The following ARHGAP24 variants were observed in gnomAD, a reference collection of about 807,000 sequenced individuals.
The protein encoded by ARHGAP24 is rho GTPase-activating protein 24.
Under a neutral mutation model 76.4 loss-of-function variants are expected in ARHGAP24, and 50 were observed. The observed-to-expected ratio is 0.65, with a 90% confidence interval of 0.52 to 0.83. The LOEUF is 0.83. Ranked by LOEUF, ARHGAP24 falls within the 40% of genes least tolerant of loss-of-function variation. ARHGAP24 has a pLI of 0.00. For synonymous variants in ARHGAP24, 345 were observed against 323.3 expected (o/e 1.07, Z -0.72); for missense variants, 930 against 914.2 (o/e 1.02, Z -0.22).
chr4:85,889,019 C>T (rs1733733199), intron 3 of ARHGAP24, among the ~76,000 whole-genome samples: 1 of 151,942 alleles, frequency 6.6e-6, no homozygotes, highest in South Asian at 2.1e-4. Context: ...TTTATCTAGT[C>T]TATTATTTGA....
chr4:85,591,052 T>A (rs1310487367), intron 2 of ARHGAP24, among the ~76,000 whole-genome samples: 1 of 139,890 alleles, frequency 7.1e-6, no homozygotes, highest in South Asian at 2.4e-4. Context: ...TTTTTTTTTT[T>A]TTTTTTTTTG....
chr4:85,890,846 A>G (rs1733847993), intron 3 of ARHGAP24, among the ~76,000 whole-genome samples: 1 of 152,198 alleles, frequency 6.6e-6, no homozygotes, highest in Non-Finnish European at 1.5e-5. Flanking sequence ...ATCTATGACA[A>G]TAGCACATAA....
intron 1 of ARHGAP24, among the ~76,000 whole-genome samples, chr4:85,518,302 A>G (rs11931565): frequency 0.12 from 18,393 of 152,110 alleles, 3,134 homozygotes; most frequent in African/African-American, 0.38. Context: ...TTTGTTCCCA[A>G]GGGTTTTCTA....
chr4:85,746,082 C>A (rs1211344868), intron 3 of ARHGAP24, among the ~76,000 whole-genome samples: 1 of 152,144 alleles, frequency 6.6e-6, no homozygotes, highest in African/African-American at 2.4e-5. Context: ...CTATAGATTT[C>A]CTAGGAGTCG....
chr4:85,966,341 A>G (rs917899177), intron 5 of ARHGAP24, among the ~76,000 whole-genome samples: 1 of 152,172 alleles, frequency 6.6e-6, no homozygotes, highest in Non-Finnish European at 1.5e-5. Flanking sequence ...GTTCTCTGCC[A>G]TCAGTAGCTT....
chr4:85,626,763 C>G (rs1178398422), intron 2 of ARHGAP24, among the ~76,000 whole-genome samples: 1 of 152,086 alleles, frequency 6.6e-6, no homozygotes, highest in Non-Finnish European at 1.5e-5. Context: ...TTCTTGGAGG[C>G]TTTGTTGGTT....
chr4:85,754,023 C>T (rs543418043), intron 3 of ARHGAP24, among the ~76,000 whole-genome samples: 2 of 152,200 alleles, frequency 1.3e-5, no homozygotes, highest in South Asian at 2.1e-4. Flanking sequence ...TTTTTTCTAT[C>T]TAACTCTGTT....
At chr4:85,709,051 A>G (rs1257037735) in intron 2 of ARHGAP24, among the ~76,000 whole-genome samples, 2 of 152,150 alleles carry the variant, frequency 1.3e-5, no homozygotes, top group Admixed American at 6.6e-5. Flanking sequence ...TGTGCCTTCT[A>G]TATTCCCAGT....
chr4:85,971,682 C>A (rs1254580776), intron 5 of ARHGAP24, among the ~76,000 whole-genome samples: 1 of 152,038 alleles, frequency 6.6e-6, no homozygotes, highest in Non-Finnish European at 1.5e-5. Context: ...ACTGTAGTCA[C>A]CCTGTTGTGC....
intron 3 of ARHGAP24, among the ~76,000 whole-genome samples, chr4:85,823,685 G>A (rs11936781): frequency 0.14 from 20,944 of 152,042 alleles, 1,721 homozygotes; most frequent in African/African-American, 0.21. Flanking sequence ...ATTATACTAC[G>A]AGGCTGTATT....
intron 3 of ARHGAP24, among the ~76,000 whole-genome samples, chr4:85,901,778 G>A (rs1165259136): frequency 1.3e-5 from 2 of 151,946 alleles, no homozygotes; most frequent in Admixed American, 6.6e-5. Context: ...AGAAGAGATG[G>A]TCTGGTCTGT....
intron 3 of ARHGAP24, among the ~76,000 whole-genome samples, chr4:85,868,520 C>T (rs978536553): frequency 5.9e-5 from 9 of 152,138 alleles, no homozygotes; most frequent in African/African-American, 2.2e-4. Flanking sequence ...AGTAATGAAA[C>T]AAAGTATTGG....
At chr4:85,564,924 G>GTATATATATA (rs3028011) in intron 1 of ARHGAP24, among the ~76,000 whole-genome samples, 93 of 53,244 alleles carry the variant, frequency 1.7e-3, no homozygotes, top group East Asian at 6.1e-3. Context: ...AACACACACG[G>GTATATATATA]TATATATATA....
At chr4:85,747,907 T>C (rs1726112324) in intron 3 of ARHGAP24, among the ~76,000 whole-genome samples, 1 of 152,202 alleles carries the variant, frequency 6.6e-6, no homozygotes, top group South Asian at 2.1e-4. Flanking sequence ...GGACAATGTT[T>C]TAAAATTTTG....
intron 3 of ARHGAP24, among the ~76,000 whole-genome samples, chr4:85,817,092 T>A (rs1445677891): frequency 6.6e-6 from 1 of 152,170 alleles, no homozygotes; most frequent in African/African-American, 2.4e-5. Flanking sequence ...ATTCAAGTAG[T>A]CCTTTATTCA....
chr4:85,814,846 C>G lies in ARHGAP24; in HGVS notation c.268+92874C>G, dbSNP rs11943331. 9.8e-3 allele frequency among the ~76,000 whole-genome samples: 1,498 copies of G among 152,346 alleles called. 28 individuals are homozygous for G. The highest frequency in any genetic ancestry group is 0.034 in the African/African-American group (1,404 of 41,580). Reference sequence around the variant, plus strand: ...GCTCCAACCCCACATTTCCCTTCCACATTGCCCTAGCAGAGGTTCTCCATG... The same window carrying G: ...GCTCCAACCCCACATTTCCCTTCCAGATTGCCCTAGCAGAGGTTCTCCATG... On this transcript the variant is annotated intron_variant, in intron 3 of 9. Transcript: ENST00000395184.
At chr4:85,662,409 G>A (rs1236941313) in intron 2 of ARHGAP24, among the ~76,000 whole-genome samples, 1 of 150,566 alleles carries the variant, frequency 6.6e-6, no homozygotes, top group Non-Finnish European at 1.5e-5. Flanking sequence ...TGTAGATTTT[G>A]GATATTATCC....
chr4:85,626,269 G>C (rs1720950246), intron 2 of ARHGAP24, among the ~76,000 whole-genome samples: 1 of 152,050 alleles, frequency 6.6e-6, no homozygotes, highest in Admixed American at 6.5e-5. Flanking sequence ...AGGCCTGGTG[G>C]TGACAAAATC....
chr4:85,679,553 G>A, intron 2 of ARHGAP24, among the ~76,000 whole-genome samples: 1 of 152,020 alleles, frequency 6.6e-6, no homozygotes, highest in East Asian at 1.9e-4. Flanking sequence ...CTGGTCTCTG[G>A]CCCTCAGTCC....
Sources: gnomAD v4.1 joint callset for allele counts (sites outside exome capture counted in the v4.1 genomes callset) on GRCh38, gnomAD v4.1.1 for gene constraint, MANE v1.5 for transcripts, NCBI Gene and HGNC (gene_info 2026-07-23, HGNC 2026-07-21) for gene names.